LRRC8D: variants seen among roughly 807,000 people sequenced by gnomAD.
LRRC8D encodes volume-regulated anion channel subunit LRRC8D.
Under a neutral mutation model 55.8 loss-of-function variants are expected in LRRC8D, and 20 were observed. The observed-to-expected ratio is 0.36, with a 90% CI of 0.25 to 0.52. LRRC8D has a LOEUF of 0.52. Among genes scored for constraint, LRRC8D ranks in the 20% least tolerant of loss-of-function variants. LRRC8D has a pLI of 0.93. For synonymous variants in LRRC8D, 352 were observed against 377.0 expected (o/e 0.93, Z 0.77); for missense variants, 651 against 1,030.8 (o/e 0.63, Z 5.05).
At position 89,933,566 on chromosome 1, in the gene LRRC8D, A is replaced by T. The variant is rs755426095; in HGVS notation, c.498A>T (p.Pro166=). 1.9e-6 allele frequency: 3 copies of T among 1,614,180 alleles called. No homozygotes were observed. The highest frequency in any genetic ancestry group is 2.7e-5 in the African/African-American group (2 of 75,070). The change falls in exon 3 of 3, where the codon CCA becomes CCT. Residue 166 remains proline (P), a synonymous_variant. Coordinates refer to ENST00000337338, the MANE Select transcript of LRRC8D (RefSeq NM_001134479.2). This position sits in a 1 kb window ranked among gnomAD's most constrained non-coding sequence, Gnocchi z 7.0. ...LALPWYSKYF[P]YLALIHTIIL... is the part of the protein sequence containing the mutation. ...TTCCGTGGTATTCTAAGTACTTTCC[A>T]TACCTAGCTCTTATACATACTATTA...
intron 2 of LRRC8D, among the ~76,000 whole-genome samples, chr1:89,847,691 A>G (rs1570816820): frequency 6.6e-6 from 1 of 152,220 alleles, no homozygotes; most frequent in African/African-American, 2.4e-5. Flanking sequence ...GTCAAATTGT[A>G]AACTGTAATG....
chr1:89,851,865 T>A (rs1054022636), intron 2 of LRRC8D, among the ~76,000 whole-genome samples: 2 of 152,206 alleles, frequency 1.3e-5, no homozygotes, highest in African/African-American at 4.8e-5. Flanking sequence ...CATGGCTTAT[T>A]ATTATAAGTA....
At chr1:89,824,826 A>G (rs552903209) in intron 1 of LRRC8D, among the ~76,000 whole-genome samples, 2 of 152,378 alleles carry the variant, frequency 1.3e-5, no homozygotes, top group South Asian at 4.1e-4. Flanking sequence ...TCTGGCCAAC[A>G]GAGAGTACAG....
At chr1:89,850,086 A>T (rs1230390394) in intron 2 of LRRC8D, among the ~76,000 whole-genome samples, 1 of 152,138 alleles carries the variant, frequency 6.6e-6, no homozygotes, top group Admixed American at 6.5e-5. Context: ...TTTTATTTTT[A>T]AAAATCTGGT....
At chr1:89,905,749 C>T (rs554273018) in intron 2 of LRRC8D, among the ~76,000 whole-genome samples, 26 of 152,260 alleles carry the variant, frequency 1.7e-4, no homozygotes, top group African/African-American at 5.8e-4. Context: ...AAGCTGCTTT[C>T]CCCCAGCAGG....
At chr1:89,932,417 G>A (rs934066859) in intron 2 of LRRC8D, among the ~76,000 whole-genome samples, 1 of 152,210 alleles carries the variant, frequency 6.6e-6, no homozygotes, top group African/African-American at 2.4e-5. Flanking sequence ...TAGACCCTTA[G>A]TTTCAACTGT....
chr1:89,918,625 C>G (rs1255295237), intron 2 of LRRC8D, among the ~76,000 whole-genome samples: 2 of 152,206 alleles, frequency 1.3e-5, no homozygotes, highest in African/African-American at 4.8e-5. Flanking sequence ...CTGCCCTCTG[C>G]TTAGTTCTTG....
chr1:89,894,684 A>G (rs529668511), intron 2 of LRRC8D, among the ~76,000 whole-genome samples: 196 of 152,370 alleles, frequency 1.3e-3, no homozygotes, highest in African/African-American at 4.6e-3. Context: ...CATCAGCACA[A>G]TACTGAGTAA....
intron 2 of LRRC8D, among the ~76,000 whole-genome samples, chr1:89,844,762 C>T (rs1467428727): frequency 6.6e-6 from 1 of 152,310 alleles, no homozygotes; most frequent in Middle Eastern, 3.4e-3. Context: ...ACTTCTCCCC[C>T]CAGTGAAAGC....
chr1:89,892,295 G>A (rs1035592996), intron 2 of LRRC8D, among the ~76,000 whole-genome samples: 7 of 152,108 alleles, frequency 4.6e-5, no homozygotes, highest in African/African-American at 1.7e-4. Context: ...GTTTGTTTTA[G>A]CCTGCCTTTT....
intron 2 of LRRC8D, among the ~76,000 whole-genome samples, chr1:89,854,889 A>T (rs1661513171): frequency 6.6e-6 from 1 of 152,174 alleles, no homozygotes; most frequent in Non-Finnish European, 1.5e-5. Context: ...AAGGGGAAGG[A>T]CAGGAGCATG....
At chr1:89,848,380 G>C (rs1372345307) in intron 2 of LRRC8D, among the ~76,000 whole-genome samples, 5 of 152,002 alleles carry the variant, frequency 3.3e-5, no homozygotes, top group African/African-American at 1.2e-4. Flanking sequence ...TACAATTTGT[G>C]GTAAGTTTAA....
intron 1 of LRRC8D, among the ~76,000 whole-genome samples, chr1:89,834,774 A>G (rs1471380370): frequency 6.6e-6 from 1 of 152,236 alleles, no homozygotes; most frequent in Non-Finnish European, 1.5e-5. Flanking sequence ...AGATGGTGAC[A>G]GGTAGAGAAT....
chr1:89,886,966 A>C (rs930149250), intron 2 of LRRC8D, among the ~76,000 whole-genome samples: 1 of 152,234 alleles, frequency 6.6e-6, no homozygotes, highest in African/African-American at 2.4e-5. Context: ...TGTTTTAAAA[A>C]GACATTTTTA....
At chr1:89,870,090 A>G (rs1196551793) in intron 2 of LRRC8D, among the ~76,000 whole-genome samples, 1 of 152,042 alleles carries the variant, frequency 6.6e-6, no homozygotes, top group African/African-American at 2.4e-5. Context: ...CCTGGGTGAC[A>G]GAGCAAGACT....
chr1:89,837,132 G>T (rs1365887779), intron 1 of LRRC8D, among the ~76,000 whole-genome samples: 1 of 152,220 alleles, frequency 6.6e-6, no homozygotes, highest in Non-Finnish European at 1.5e-5. Flanking sequence ...TGCTAATTCA[G>T]TTGTGCTGTA....
At chr1:89,871,008 T>A (rs1209816575) in intron 2 of LRRC8D, among the ~76,000 whole-genome samples, 7 of 152,220 alleles carry the variant, frequency 4.6e-5, no homozygotes, top group Non-Finnish European at 8.8e-5. Context: ...GTTCCTGGGA[T>A]GAGGTACTTA....
At chr1:89,907,183 CTTTTTTT>C (rs71584958) in intron 2 of LRRC8D, among the ~76,000 whole-genome samples, 119 of 69,808 alleles carry the variant, frequency 1.7e-3, no homozygotes, top group Middle Eastern at 0.012. Context: ...TCCACTGTGT[CTTTTTTT>C]TTTTTTTTTT....
chr1:89,859,444 ATTG>A (rs1234649480), intron 2 of LRRC8D, among the ~76,000 whole-genome samples: 4 of 152,166 alleles, frequency 2.6e-5, no homozygotes, highest in Non-Finnish European at 5.9e-5. Context: ...ACTTGTCGAA[ATTG>A]TTGTTATAAC....
Sources: allele counts gnomAD v4.1 joint callset (sites outside exome capture counted in the v4.1 genomes callset), GRCh38; gene constraint gnomAD v4.1.1; non-coding constraint Gnocchi (gnomAD v3.1); transcripts MANE v1.5; gene names NCBI Gene and HGNC (gene_info 2026-07-23, HGNC 2026-07-21).